Variants in EBF3 observed in about 807,000 individuals in gnomAD.
EBF3 encodes transcription factor COE3.
Under a neutral mutation model 77.1 loss-of-function variants are expected in EBF3, and 18 were observed. The ratio of observed to expected loss-of-function variants is 0.23; its 90% CI spans 0.16 to 0.35. The LOEUF (loss-of-function observed/expected upper bound fraction) is 0.35, where lower values mean the gene tolerates loss of function less well. Ranked by LOEUF, EBF3 falls within the 10% of genes least tolerant of loss-of-function variation. The pLI, the probability that EBF3 is intolerant of heterozygous loss-of-function variation, is 1.00. For missense variants in EBF3, 558 were observed against 860.0 expected, an observed-to-expected ratio of 0.65 and a Z score of 4.39; for synonymous variants, 350 against 343.5, an observed-to-expected ratio of 1.02 and a Z score of -0.21.
chr10:129,855,167 A>C (rs1851166674), intron 10 of EBF3, among the ~76,000 whole-genome samples: 3 of 152,106 alleles, frequency 2.0e-5, no homozygotes, highest in African/African-American at 7.2e-5. Flanking sequence ...TGAGAAAAAC[A>C]CTTGACTTCT....
intron 6 of EBF3, among the ~76,000 whole-genome samples, chr10:129,953,463 G>C (rs1436505850): frequency 6.7e-6 from 1 of 149,460 alleles, no homozygotes; most frequent in Non-Finnish European, 1.5e-5. Context: ...GGGATAAACA[G>C]ATGTCTGGCT....
rs1445721230 is a variant in EBF3 at position 129,963,173 on chromosome 10, G to C, written c.292-168C>G. Among the ~76,000 whole-genome samples, 1 of 152,112 alleles carries C rather than the reference G, an allele frequency of 6.6e-6. No individual in the cohort carries two copies. The highest frequency in any genetic ancestry group is 1.5e-5 in the Non-Finnish European group (1 of 68,018). On this transcript the variant is annotated intron_variant, in intron 2 of 16. Coordinates refer to ENST00000440978, the MANE Select transcript of EBF3 (RefSeq NM_001375380.1). The surrounding 1 kb of genome is among the most constrained non-coding windows in gnomAD (Gnocchi z 7.1). ...CTGCTGGAAGCCCAGCGTTCTCCTC[G>C]CCCCGAGTAAGTCCGAGGGCGCAGA...
intron 11 of EBF3, chr10:129,845,839 G>A (rs1850415099): frequency 6.6e-6 from 1 of 151,404 alleles, no homozygotes; most frequent in South Asian, 2.1e-4. Context: ...TTAATTTTAT[G>A]GTAAAATCAT....
chr10:129,868,958 G>A (rs1400151150), intron 8 of EBF3, among the ~76,000 whole-genome samples: 4 of 152,222 alleles, frequency 2.6e-5, no homozygotes, highest in Non-Finnish European at 1.5e-5. Context: ...CTATCCTCAG[G>A]ACCCTCAGAC....
At position 129,843,193 on chromosome 10, in the gene EBF3, G is replaced by A. The variant is rs968952835; in HGVS notation, c.1138C>T (p.Leu380=). 11 of 1,612,316 alleles carry A rather than the reference G, an allele frequency of 6.8e-6. No individual in the cohort carries two copies. In the African/African-American group the frequency reaches 9.3e-5, roughly 14 times the overall value. The change falls in exon 12 of 17, where the codon CTG becomes TTG. Residue 380 remains leucine, a synonymous_variant. Coordinates refer to ENST00000440978, the MANE Select transcript of EBF3 (RefSeq NM_001375380.1). ...TCCACCAGGTCCGCCGCCCGCTTCA[G>A]TAACACCTCCTAAAGGAAGAGCAGA... ...DPERLPKEVL[L]KRAADLVEAL...
At chr10:129,893,963 G>A (rs1253435877) in intron 6 of EBF3, among the ~76,000 whole-genome samples, 7 of 152,186 alleles carry the variant, frequency 4.6e-5, no homozygotes, top group African/African-American at 1.4e-4. Flanking sequence ...TGAACAAAGC[G>A]CGTGCTTCTC....
intron 7 of EBF3, among the ~76,000 whole-genome samples, chr10:129,875,165 C>T (rs1852667460): frequency 6.9e-6 from 1 of 145,626 alleles, no homozygotes; most frequent in African/African-American, 2.5e-5. Flanking sequence ...TATATGAATA[C>T]ATGTGCAAGT....
In EBF3 at chr10:129,842,825, C is replaced by T. The variant is rs1359986308; in HGVS notation, c.1194+312G>A. On this transcript the variant is annotated intron_variant, in intron 12 of 16. Transcript: ENST00000440978. The surrounding 1 kb of genome is among the most constrained non-coding windows in gnomAD (Gnocchi z 4.4). ...GTTCTGTCCTGCATGCTGTGGGGCG[C>T]CCATCCAGCCCTCCCTGGTTCCCAG... Among the ~76,000 whole-genome samples, 3 of 151,808 alleles carry T rather than the reference C, an allele frequency of 2.0e-5. No individual in the cohort carries two copies. The highest frequency in any genetic ancestry group is 4.4e-5 in the Non-Finnish European group (3 of 67,986).
At chr10:129,930,617 T>C (rs996029328) in intron 6 of EBF3, among the ~76,000 whole-genome samples, 8 of 146,188 alleles carry the variant, frequency 5.5e-5, no homozygotes, top group African/African-American at 2.0e-4. Context: ...TATATCTATA[T>C]CTGTCTATAT....
At chr10:129,915,496 AC>A (rs879380000) in intron 6 of EBF3, among the ~76,000 whole-genome samples, 12 of 65,154 alleles carry the variant, frequency 1.8e-4, no homozygotes, top group African/African-American at 2.8e-4. Flanking sequence ...ACACACACAC[AC>A]AAAAAAGCCA....
rs983609050 is a variant in EBF3 at position 129,943,586 on chromosome 10, G to A, written c.554+13672C>T. Among the ~76,000 whole-genome samples the A allele has an allele frequency of 1.4e-4, 21 of 152,300 alleles. No individual in the cohort carries two copies. Among genetic ancestry groups the A allele is most frequent in the Admixed American group, 5.9e-4 (9 of 15,286 alleles). ...GAGCCTCAAGTGGTTGCCAGGAGTC[G>A]CCAGCCGGGCTTGGGAACAAGACAG... On this transcript the variant is annotated intron_variant, in intron 6 of 16. Transcript: ENST00000440978. The surrounding 1 kb of genome is among the most constrained non-coding windows in gnomAD (Gnocchi z 8.8).
chr10:129,888,945 T>C lies in EBF3; in HGVS notation c.555-11096A>G, dbSNP rs199767725. 3.3e-5 allele frequency among the ~76,000 whole-genome samples: 5 copies of C among 152,192 alleles called. No individual in the cohort carries two copies. In the East Asian group the frequency reaches 9.7e-4, roughly 30 times the overall value. The stretch of plus-strand genomic sequence containing the variant: ...AGAGGGAGCAGCAGGCCTGGGCCTA[T>C]ACAGATGGTGGCGGCGCACAGGCCA... On this transcript the variant is annotated intron_variant, in intron 6 of 16. Transcript: ENST00000440978.
chr10:129,899,537 C>G (rs1854636226), intron 6 of EBF3, among the ~76,000 whole-genome samples: 1 of 152,210 alleles, frequency 6.6e-6, no homozygotes, highest in African/African-American at 2.4e-5. Context: ...GCCTTCCCGA[C>G]TTGCTGTGCG....
rs190992760 is a variant in EBF3, at chr10:129,944,475, A to T, written c.554+12783T>A. On this transcript the variant is annotated intron_variant, in intron 6 of 16. Transcript: ENST00000440978. The surrounding 1 kb of genome is among the most constrained non-coding windows in gnomAD (Gnocchi z 5.1). ...GTTTTTAATCATAAGGTAAATCAAG[A>T]CCTGGAACATAAGTCAGATGAATTA... 1.3e-5 allele frequency among the ~76,000 whole-genome samples: 2 copies of T among 152,328 alleles called. No individual in the cohort carries two copies. The highest frequency in any genetic ancestry group is 4.8e-5 in the African/African-American group (2 of 41,586).
Position 129,839,128 on chromosome 10 carries a change from G to A in EBF3, c.1827C>T (p.Gly609=). ...KTNWPFCEVG[G]IFHFDELMLK... The stretch of plus-strand genomic sequence containing the variant: ...GCATTAGTTCATCAAAGTGAAATAT[G>A]CCACCGACTTCACAAAAGGGCCAGT... The change falls in exon 16 of 17, where the codon GGC becomes GGT. Residue 609 remains glycine, a synonymous_variant. Transcript: ENST00000440978. 1 of 1,304,490 alleles carries A rather than the reference G, an allele frequency of 7.7e-7. No individual in the cohort carries two copies. The highest frequency in any genetic ancestry group is 1.0e-6 in the Non-Finnish European group (1 of 989,000). The allele number at this position is 1,304,490 out of a possible 1,614,324, so 80.8% of individuals were successfully genotyped here.
At chr10:129,847,693 G>C (rs1360947821) in intron 11 of EBF3, among the ~76,000 whole-genome samples, 1 of 151,984 alleles carries the variant, frequency 6.6e-6, no homozygotes, top group Non-Finnish European at 1.5e-5. Context: ...TTGGAAATCA[G>C]ATAGGGCTTC....
chr10:129,938,790 G>T lies in EBF3; in HGVS notation c.554+18468C>A, dbSNP rs1857532810. On this transcript the variant is annotated intron_variant, in intron 6 of 16. Coordinates refer to ENST00000440978, the MANE Select transcript of EBF3 (RefSeq NM_001375380.1). The surrounding 1 kb of genome is among the most constrained non-coding windows in gnomAD (Gnocchi z 5.1). ...AATAGGGGCAAGATGTTACATGGGG[G>T]TCTTCGTGGCCCATAAAACCAACCT... 6.6e-6 allele frequency among the ~76,000 whole-genome samples: 1 copy of T among 152,092 alleles called. No individual in the cohort carries two copies. Among genetic ancestry groups the T allele is most frequent in the Admixed American group, 6.5e-5 (1 of 15,278 alleles).
At chr10:129,856,127 C>T (rs1851235408) in intron 10 of EBF3, among the ~76,000 whole-genome samples, 2 of 152,240 alleles carry the variant, frequency 1.3e-5, no homozygotes, top group African/African-American at 4.8e-5. Flanking sequence ...CACCCTCTGC[C>T]ACGTGCCTGC....
intron 5 of EBF3, among the ~76,000 whole-genome samples, chr10:129,957,914 A>G (rs1270018800): frequency 2.0e-5 from 3 of 152,268 alleles, no homozygotes; most frequent in Non-Finnish European, 4.4e-5. Flanking sequence ...GCATACTTGT[A>G]TAATGGTTAC....
Sources: allele counts gnomAD v4.1 joint callset (sites outside exome capture counted in the v4.1 genomes callset), GRCh38; gene constraint gnomAD v4.1.1; non-coding constraint Gnocchi (gnomAD v3.1); transcripts MANE v1.5; gene names NCBI Gene and HGNC (gene_info 2026-07-23, HGNC 2026-07-21).